The following FSHR variants were observed in gnomAD, a reference collection of about 807,000 sequenced individuals.
FSHR encodes the protein follicle stimulating hormone receptor.
In FSHR, 46 loss-of-function variants were observed where a neutral mutation model predicts 52.1. The observed-to-expected ratio is 0.88, with a 90% CI of 0.70 to 1.13. The LOEUF (loss-of-function observed/expected upper bound fraction) is 1.13. FSHR is among the 50% of genes most tolerant of loss of function. The probability of loss-of-function intolerance (pLI) is 0.00; values close to 1 mark genes in which losing one functional copy is unlikely to be tolerated. For missense variants in FSHR, 964 were observed against 834.6 expected (o/e 1.16, Z -1.91); for synonymous variants, 399 against 309.6 (o/e 1.29, Z -3.03).
chr2:49,137,278 A>T (rs1242034147), intron 1 of FSHR, among the ~76,000 whole-genome samples: 1 of 152,086 alleles, frequency 6.6e-6, no homozygotes, highest in Non-Finnish European at 1.5e-5. Flanking sequence ...TGAACTTAGG[A>T]ATAGATTTAA....
At chr2:49,042,060 C>T (rs1282860153) in intron 2 of FSHR, among the ~76,000 whole-genome samples, 1 of 152,102 alleles carries the variant, frequency 6.6e-6, no homozygotes, top group Non-Finnish European at 1.5e-5. Context: ...GGGTTGATCA[C>T]CTAAGCCCAG....
intron 1 of FSHR, among the ~76,000 whole-genome samples, chr2:49,127,862 C>CTTTTTT (rs1672107240): frequency 2.8e-5 from 1 of 36,292 alleles, no homozygotes. Context: ...TCTTCTTCTT[C>CTTTTTT]TTCTTCTTCT....
chr2:49,064,621 A>G lies in FSHR; in HGVS notation c.224+3598T>C, dbSNP rs146974484. Among the ~76,000 whole-genome samples, 412 of 152,226 alleles carry G rather than the reference A, an allele frequency of 2.7e-3. 1 individual carries two copies. The highest frequency in any genetic ancestry group is 8.9e-3 in the African/African-American group (371 of 41,528). On this transcript the variant is annotated intron_variant, in intron 2 of 9. Transcript: ENST00000406846. ...TTTGTTATAGCAGCACAAACGGACT[A>G]AGATACCAGGGAAAGATTGTGGTAG...
chr2:49,032,224 T>C (rs1471463461), intron 2 of FSHR, among the ~76,000 whole-genome samples: 1 of 152,234 alleles, frequency 6.6e-6, no homozygotes, highest in Non-Finnish European at 1.5e-5. Flanking sequence ...TGAGTTTGTC[T>C]ATCACATTGC....
intron 1 of FSHR, among the ~76,000 whole-genome samples, chr2:49,112,253 C>CGGG (rs1483546778): frequency 6.6e-6 from 1 of 152,130 alleles, no homozygotes; most frequent in East Asian, 1.9e-4. Context: ...TATTATAAGA[C>CGGG]AGTGAAGTTG....
chr2:49,003,652 G>T lies in FSHR; in HGVS notation c.375-13015C>A, dbSNP rs147349631. Among the ~76,000 whole-genome samples the T allele has an allele frequency of 3.3e-3, 497 of 152,250 alleles. 2 individuals are homozygous for T. The highest frequency in any genetic ancestry group is 5.9e-3 in the Non-Finnish European group (400 of 67,996). Reference sequence around the variant, plus strand: ...GGAAAAAGTGGGTCTCTCTCAGCAAGTATTTCAGAGTGGGGCGAGGACCAG... The same window carrying T: ...GGAAAAAGTGGGTCTCTCTCAGCAATTATTTCAGAGTGGGGCGAGGACCAG... On this transcript the variant is annotated intron_variant, in intron 4 of 9. Transcript: ENST00000406846.
intron 2 of FSHR, among the ~76,000 whole-genome samples, chr2:49,054,194 G>T (rs1356328998): frequency 6.6e-6 from 1 of 152,126 alleles, no homozygotes; most frequent in African/African-American, 2.4e-5. Context: ...CTGTGCAACT[G>T]GGGGGATGAA....
intron 1 of FSHR, among the ~76,000 whole-genome samples, chr2:49,087,228 C>T (rs1285271145): frequency 6.6e-6 from 1 of 151,822 alleles, no homozygotes; most frequent in Non-Finnish European, 1.5e-5. Flanking sequence ...GGAGGTTAGG[C>T]TTTTTGGTAA....
intron 1 of FSHR, among the ~76,000 whole-genome samples, chr2:49,093,298 C>T (rs972574067): frequency 1.3e-5 from 2 of 152,146 alleles, no homozygotes; most frequent in African/African-American, 2.4e-5. Flanking sequence ...AGTGTTAAAA[C>T]GTCCAAATAG....
chr2:49,042,024 G>A (rs753749374), intron 2 of FSHR, among the ~76,000 whole-genome samples: 1 of 152,062 alleles, frequency 6.6e-6, no homozygotes, highest in Non-Finnish European at 1.5e-5. Flanking sequence ...TGGGCCTGTA[G>A]TCCCAGGTAC....
chr2:49,118,377 C>G (rs909479690), intron 1 of FSHR, among the ~76,000 whole-genome samples: 4 of 152,116 alleles, frequency 2.6e-5, no homozygotes, highest in Non-Finnish European at 5.9e-5. Flanking sequence ...CTAGTGAGCT[C>G]ATTCACAAAG....
At chr2:49,090,707 C>T (rs571500926) in intron 1 of FSHR, among the ~76,000 whole-genome samples, 11 of 152,276 alleles carry the variant, frequency 7.2e-5, no homozygotes, top group African/African-American at 2.4e-4. Flanking sequence ...TCCAGAGCAG[C>T]TGTACCACAT....
rs1376094706 is a variant in FSHR at position 49,040,290 on chromosome 2, G to A, written c.225-20130C>T. ...TTAGACCAGCATGGACTTCTGTCTT[G>A]TAGACTGTGTACCTCAGACTGGGGA... On this transcript the variant is annotated intron_variant, in intron 2 of 9. Transcript: ENST00000406846. Among the ~76,000 whole-genome samples, 8 of 130,700 alleles carry A rather than the reference G, an allele frequency of 6.1e-5. 1 individual carries two copies. Among genetic ancestry groups the A allele is most frequent in the Non-Finnish European group, 1.6e-5 (1 of 62,186 alleles). The allele number at this position is 130,700 out of a possible 152,430, so 85.7% of individuals were successfully genotyped here. A position where few individuals can be genotyped will look rare whatever the true frequency, so the allele number is the denominator to read the frequency against.
intron 1 of FSHR, among the ~76,000 whole-genome samples, chr2:49,124,352 A>C (rs1329389951): frequency 2.0e-5 from 3 of 152,024 alleles, no homozygotes; most frequent in Non-Finnish European, 2.9e-5. Context: ...GGATGGGCAA[A>C]AGTTTATCCT....
At chr2:49,063,365 A>G (rs1669382011) in intron 2 of FSHR, among the ~76,000 whole-genome samples, 1 of 152,126 alleles carries the variant, frequency 6.6e-6, no homozygotes. Context: ...TTATTGTAGC[A>G]CTATAAATAG....
intron 1 of FSHR, among the ~76,000 whole-genome samples, chr2:49,084,258 C>T (rs1468414612): frequency 4.6e-5 from 7 of 152,034 alleles, no homozygotes; most frequent in South Asian, 4.2e-4. Flanking sequence ...GGGTACATAA[C>T]GAAATGAAGG....
chr2:49,049,016 T>C (rs1668759312), intron 2 of FSHR, among the ~76,000 whole-genome samples: 1 of 152,138 alleles, frequency 6.6e-6, no homozygotes, highest in Non-Finnish European at 1.5e-5. Context: ...GTTCATGCAT[T>C]GATTGCAGCT....
At chr2:48,964,108 C>G in intron 9 of FSHR, 142 bp from the exon 10 acceptor site, 1 of 716,648 alleles carries the variant, frequency 1.4e-6, no homozygotes, top group Non-Finnish European at 2.3e-6. Context: ...GCCCTTGAGG[C>G]TAACCTCAAG....
At chr2:49,008,783 A>G (rs201848562) in intron 4 of FSHR, among the ~76,000 whole-genome samples, 13,759 of 143,350 alleles carry the variant, frequency 0.096, 779 homozygotes, top group East Asian at 0.18. Flanking sequence ...GCCAGTGATG[A>G]TGAGCATTTT....
Sources: allele counts gnomAD v4.1 joint callset (sites outside exome capture counted in the v4.1 genomes callset), GRCh38; gene constraint gnomAD v4.1.1; transcripts MANE v1.5; gene names NCBI Gene and HGNC (gene_info 2026-07-23, HGNC 2026-07-21).